The following POLN variants were observed in gnomAD, a reference collection of about 807,000 sequenced individuals.
POLN encodes DNA polymerase nu.
A neutral mutation model predicts 113.5 loss-of-function variants in POLN; 108 were observed. The ratio of observed to expected loss-of-function variants is 0.95; its 90% confidence interval spans 0.81 to 1.12. The LOEUF is 1.12. Ranked by LOEUF, POLN falls within the 50% of genes most tolerant of loss-of-function variation. The pLI, the probability that POLN is intolerant of heterozygous loss-of-function variation, is 0.00. For missense variants in POLN, 1,097 were observed against 1,077.1 expected, an observed-to-expected ratio of 1.02 and a Z score of -0.26; for synonymous variants, 386 against 391.5, an observed-to-expected ratio of 0.99 and a Z score of 0.17.
chr4:2,227,021 C>A (rs916397119), intron 3 of POLN, among the ~76,000 whole-genome samples: 6 of 152,190 alleles, frequency 3.9e-5, no homozygotes, highest in Non-Finnish European at 7.3e-5. Flanking sequence ...TCCAAGGTGG[C>A]CCTATGATCC....
At chr4:2,100,178 G>A (rs1453800996) in intron 19 of POLN, among the ~76,000 whole-genome samples, 1 of 152,130 alleles carries the variant, frequency 6.6e-6, no homozygotes, top group Non-Finnish European at 1.5e-5. Flanking sequence ...TAAAATTGCA[G>A]ATAAATAGTG....
intron 19 of POLN, among the ~76,000 whole-genome samples, chr4:2,120,556 C>T (rs373471231): frequency 6.6e-5 from 10 of 151,692 alleles, no homozygotes; most frequent in East Asian, 3.9e-4. Context: ...TGTAGTGGCG[C>T]GATCTCAGAT....
chr4:2,080,612 C>T, intron 23 of POLN: 3 of 1,228,092 alleles, frequency 2.4e-6, no homozygotes, highest in South Asian at 3.2e-5. Context: ...AGTTTGGAGT[C>T]CCCAGGGTCC....
chr4:2,079,399 T>G (rs1057085634), intron 23 of POLN: 2 of 979,154 alleles, frequency 2.0e-6, no homozygotes, highest in African/African-American at 3.5e-5. Context: ...CAGGACACCA[T>G]GAGAACACTG....
chr4:2,100,928 G>T (rs889628909), intron 19 of POLN, among the ~76,000 whole-genome samples: 1 of 152,218 alleles, frequency 6.6e-6, no homozygotes, highest in Non-Finnish European at 1.5e-5. Context: ...AAACAATCAT[G>T]AAAGGATGAT....
intron 4 of POLN, among the ~76,000 whole-genome samples, chr4:2,210,396 T>C (rs566133306): frequency 1.6e-4 from 24 of 150,240 alleles, no homozygotes; most frequent in East Asian, 1.6e-3. Context: ...CTGGGCAAAA[T>C]AGCAAAACCC....
chr4:2,081,686 T>G lies in POLN; in HGVS notation c.2255A>C (p.Asp752Ala), dbSNP rs912667091. Residue 752 changes from aspartate to alanine, a missense_variant, in exon 22 of 26, where the codon GAC becomes GCC. Physicochemically the swap from Asp to Ala is moderately radical, Grantham distance 126. Transcript: ENST00000511885. ...RRPLPRIHAHDQQLRAQAERQ... is the reference protein window; with the variant it reads ...RRPLPRIHAHAQQLRAQAERQ... ...CTCTGCTTGTGCCCGGAGTTGCTGG[T>G]CATGAGCGTGAATCCTTGGCAGGGG... 10 of 1,614,044 alleles carry G rather than the reference T, an allele frequency of 6.2e-6. No individual in the cohort carries two copies. The highest frequency in any genetic ancestry group is 1.3e-5 in the African/African-American group (1 of 74,914).
At chr4:2,218,062 G>A (rs918179606) in intron 3 of POLN, among the ~76,000 whole-genome samples, 1 of 152,114 alleles carries the variant, frequency 6.6e-6, no homozygotes, top group African/African-American at 2.4e-5. Context: ...GACTGAAGCA[G>A]ATCACTTTGA....
At chr4:2,145,410 C>T (rs1046528660) in intron 16 of POLN, among the ~76,000 whole-genome samples, 1 of 151,788 alleles carries the variant, frequency 6.6e-6, no homozygotes, top group African/African-American at 2.4e-5. Context: ...TATAAGGGCA[C>T]AAAAGACTAG....
At position 2,163,849 on chromosome 4, in the gene POLN, C is replaced by T. The variant is rs560895788; in HGVS notation, c.1555-4638G>A. Among the ~76,000 whole-genome samples, 10 of 152,330 alleles carry T rather than the reference C, an allele frequency of 6.6e-5. No homozygotes were observed. The East Asian group carries it at 1.5e-3, about 24-fold the overall frequency. ...CCAGCATGGGACTTGTCTTGAGCCC[C>T]GTCCCACAGGCCCAACTGCTGTTTT... On this transcript the variant is annotated intron_variant, in intron 13 of 25. Coordinates refer to ENST00000511885, the MANE Select transcript of POLN (RefSeq NM_181808.4).
chr4:2,238,781 T>C, intron 2 of POLN: 1 of 1,613,818 alleles, frequency 6.2e-7, no homozygotes, highest in Non-Finnish European at 8.5e-7. Context: ...TTCAATTTCA[T>C]ATGATAACTG....
intron 2 of POLN, chr4:2,240,538 A>C: frequency 6.2e-7 from 1 of 1,613,666 alleles, no homozygotes; most frequent in South Asian, 1.1e-5. Context: ...TTAGCATTTA[A>C]CCTCAGAGAT....
intron 3 of POLN, among the ~76,000 whole-genome samples, chr4:2,224,143 G>C (rs886420059): frequency 1.3e-5 from 2 of 151,908 alleles, no homozygotes; most frequent in African/African-American, 2.4e-5. Flanking sequence ...TCTCTATTAA[G>C]ATATTTAACT....
At chr4:2,145,704 T>C (rs906831624) in intron 16 of POLN, among the ~76,000 whole-genome samples, 4 of 152,202 alleles carry the variant, frequency 2.6e-5, no homozygotes, top group African/African-American at 9.6e-5. Flanking sequence ...GGTGAGAACA[T>C]GAGTCAGTCC....
chr4:2,079,506 G>A (rs1730353748), intron 23 of POLN: 2 of 985,588 alleles, frequency 2.0e-6, no homozygotes, highest in African/African-American at 1.7e-5. Context: ...GCATGTGCTT[G>A]TGTGTGCGTG....
At chr4:2,132,550 A>G (rs1294044606) in intron 16 of POLN, among the ~76,000 whole-genome samples, 1 of 152,190 alleles carries the variant, frequency 6.6e-6, no homozygotes, top group Non-Finnish European at 1.5e-5. Flanking sequence ...TCATAATCAA[A>G]CTGCTGAAAA....
intron 20 of POLN, among the ~76,000 whole-genome samples, chr4:2,091,216 C>T (rs1340120949): frequency 2.0e-5 from 3 of 152,212 alleles, no homozygotes; most frequent in African/African-American, 7.2e-5. Flanking sequence ...ATGGGAGCGA[C>T]TTGGCCATAA....
intron 19 of POLN, among the ~76,000 whole-genome samples, chr4:2,098,571 T>C (rs1020419969): frequency 4.6e-5 from 7 of 152,180 alleles, no homozygotes; most frequent in Non-Finnish European, 7.4e-5. Context: ...CCATGGGTAA[T>C]GGGTTAGCAC....
At chr4:2,192,460 C>G (rs1239941845) in intron 7 of POLN, among the ~76,000 whole-genome samples, 1 of 151,934 alleles carries the variant, frequency 6.6e-6, no homozygotes, top group Non-Finnish European at 1.5e-5. Flanking sequence ...CTGCCTCAGC[C>G]TCTTGAGTAG....
Sources: gnomAD v4.1 joint callset for allele counts (sites outside exome capture counted in the v4.1 genomes callset) on GRCh38, gnomAD v4.1.1 for gene constraint, MANE v1.5 for transcripts, NCBI Gene and HGNC (gene_info 2026-07-23, HGNC 2026-07-21) for gene names.